The following CAPN3 variants were observed in gnomAD, a reference collection of about 807,000 sequenced individuals.
CAPN3 encodes calpain-3.
A neutral mutation model predicts 114.0 loss-of-function variants in CAPN3; 88 were observed. That is an observed-to-expected ratio of 0.77 (90% CI 0.65 to 0.92). CAPN3 has a LOEUF of 0.92. Ranked by LOEUF, CAPN3 falls within the 40% of genes least tolerant of loss-of-function variation. The pLI is 0.00. For missense variants in CAPN3, 1,028 were observed against 1,069.0 expected, an observed-to-expected ratio of 0.96 and a Z score of 0.53; for synonymous variants, 386 against 382.9, an observed-to-expected ratio of 1.01 and a Z score of -0.09.
intron 23 of CAPN3, 140 bp from the exon 24 acceptor site, chr15:42,411,607 C>T: frequency 1.3e-6 from 1 of 745,812 alleles, no homozygotes; most frequent in Admixed American, 1.9e-5. Context: ...AAACAGTAAG[C>T]CACTGCTTCT....
intron 12 of CAPN3, 74 bp downstream of exon 12, chr15:42,402,209 G>A (rs2053892950): frequency 3.7e-6 from 6 of 1,609,930 alleles, no homozygotes; most frequent in Admixed American, 1.7e-5. Context: ...GTGGCTCGTC[G>A]AGAAGCTTCC....
Position 42,391,613 on chromosome 15 carries a change from C to G in CAPN3, c.946-1026C>G, listed in dbSNP as rs28364436. ...CGGGAAGCTCCTTTTAAAGCTGTTACGTTAGTAGGCACATGGAAGCCATAG... is the reference window on the plus strand; with the variant it reads ...CGGGAAGCTCCTTTTAAAGCTGTTAGGTTAGTAGGCACATGGAAGCCATAG... On this transcript the variant is annotated intron_variant, in intron 6 of 23. Coordinates refer to ENST00000397163, the MANE Select transcript of CAPN3 (RefSeq NM_000070.3). Among the ~76,000 whole-genome samples the G allele has an allele frequency of 1.2e-4, 19 of 152,296 alleles. No homozygotes were observed. The East Asian group carries it at 3.5e-3, about 28-fold the overall frequency.
At chr15:42,411,096 C>A in intron 22 of CAPN3, 96 bp downstream of exon 22, 3 of 1,155,312 alleles carry the variant, frequency 2.6e-6, no homozygotes, top group Non-Finnish European at 3.9e-6. Context: ...TCCATCCAGG[C>A]TGAACAAGGG....
chr15:42,370,642 TAG>T (rs1595804166), intron 1 of CAPN3, among the ~76,000 whole-genome samples: 1 of 152,000 alleles, frequency 6.6e-6, no homozygotes, highest in East Asian at 1.9e-4. Context: ...ATAAAACAGC[TAG>T]AGTTAGAACC....
chr15:42,400,521 A>C (rs2053833264), intron 10 of CAPN3, among the ~76,000 whole-genome samples: 1 of 152,046 alleles, frequency 6.6e-6, no homozygotes, highest in African/African-American at 2.4e-5. Context: ...ACTTGAGCCC[A>C]GGAGTTCAAG....
In CAPN3 at chr15:42,389,097, G is replaced by A. The variant is rs1459288402; in HGVS notation, c.801+1G>A. On this transcript the variant is annotated splice_donor_variant, in intron 5 of 23. Transcript: ENST00000397163. LOFTEE classifies it high-confidence loss of function. The stretch of plus-strand genomic sequence containing the variant: ...CTCCCTCATGGGCTGCTCCATTGAT[G>A]TAAGTCTGGGGTGTGGGGCACAGGG... The A allele has an allele frequency of 5.0e-6, 8 of 1,613,990 alleles. No individual in the cohort carries two copies. In the East Asian group the frequency reaches 6.7e-5, roughly 13 times the overall value.
chr15:42,368,823 G>A (rs1031249828), intron 1 of CAPN3, among the ~76,000 whole-genome samples: 5 of 152,198 alleles, frequency 3.3e-5, no homozygotes, highest in Admixed American at 2.0e-4. Flanking sequence ...AGGCCAAGGC[G>A]GGTGGATCAC....
chr15:42,388,846 G>A (rs2053473954), intron 4 of CAPN3, 82 bp from the exon 5 acceptor site: 1 of 1,136,598 alleles, frequency 8.8e-7, no homozygotes, highest in Non-Finnish European at 1.3e-6. Context: ...CATCCAAGAG[G>A]TAAAGTTCTG....
intron 15 of CAPN3, among the ~76,000 whole-genome samples, 177 bp from the exon 16 acceptor site, chr15:42,408,034 C>T (rs757119880): frequency 6.6e-6 from 1 of 152,168 alleles, no homozygotes; most frequent in South Asian, 2.1e-4. Flanking sequence ...AGATAAAGAA[C>T]TGAAGTCACA....
intron 14 of CAPN3, chr15:42,404,443 C>T (rs1234815119): frequency 6.6e-6 from 3 of 456,470 alleles, no homozygotes; most frequent in Non-Finnish European, 1.3e-5. Context: ...CCCTGGTGTT[C>T]AAGAAAGGAA....
chr15:42,400,543 C>T (rs1456851373), intron 10 of CAPN3, among the ~76,000 whole-genome samples: 2 of 150,890 alleles, frequency 1.3e-5, no homozygotes, highest in Non-Finnish European at 3.0e-5. Flanking sequence ...CCAGCACAGG[C>T]AACATAGTGA....
At chr15:42,372,253 A>G (rs1169702179) in intron 1 of CAPN3, among the ~76,000 whole-genome samples, 3 of 152,094 alleles carry the variant, frequency 2.0e-5, no homozygotes, top group Non-Finnish European at 4.4e-5. Flanking sequence ...ATCACCTCCC[A>G]GGTTCAAGCA....
In CAPN3 at chr15:42,386,180, T is replaced by A; in HGVS notation, c.393T>A (p.Phe131Leu). The change falls in exon 3 of 24, where the codon TTT becomes TTA. Residue 131 changes from phenylalanine to leucine, a missense_variant. Physicochemically the swap from Phe to Leu is conservative, Grantham distance 22. Transcript: ENST00000397163. Reference sequence around the variant, plus strand: ...GTCTGCCTGCAGGGGACTGCTGGTTTCTCGCAGCCATTGCCTGCCTGACCC... The same window carrying A: ...GTCTGCCTGCAGGGGACTGCTGGTTACTCGCAGCCATTGCCTGCCTGACCC... ...ICQGELGDCW[F>L]LAAIACLTLN... 6.2e-7 allele frequency: 1 copy of A among 1,613,306 alleles called. No homozygotes were observed.
intron 1 of CAPN3, among the ~76,000 whole-genome samples, chr15:42,367,423 A>G (rs1566968416): frequency 6.6e-6 from 1 of 152,220 alleles, no homozygotes; most frequent in Non-Finnish European, 1.5e-5. Flanking sequence ...TCTGCTGAAG[A>G]GGAGCTGACA....
At chr15:42,404,786 C>T in intron 14 of CAPN3, 1 of 1,100,838 alleles carries the variant, frequency 9.1e-7, no homozygotes, top group Non-Finnish European at 1.1e-6. Context: ...GGTCATAATC[C>T]TGACCCTGAG....
intron 14 of CAPN3, 139 bp from the exon 15 acceptor site, chr15:42,405,787 T>C (rs1566982567): frequency 1.5e-6 from 1 of 678,486 alleles, no homozygotes; most frequent in Non-Finnish European, 2.7e-6. Context: ...CCTTTTTGGC[T>C]CCATGTGATT....
intron 1 of CAPN3, among the ~76,000 whole-genome samples, chr15:42,380,719 C>A (rs1164145834): frequency 5.1e-5 from 7 of 138,554 alleles, no homozygotes; most frequent in African/African-American, 1.4e-4. Context: ...TCTCTCCCCC[C>A]ACCTTCCCCA....
intron 1 of CAPN3, among the ~76,000 whole-genome samples, chr15:42,364,234 T>C (rs980352664): frequency 1.3e-5 from 2 of 152,180 alleles, no homozygotes; most frequent in Admixed American, 6.5e-5. Flanking sequence ...TAGGTAATCT[T>C]GGTCACATAC....
intron 8 of CAPN3, among the ~76,000 whole-genome samples, 196 bp from the exon 9 acceptor site, chr15:42,396,604 T>TAA (rs1365850381): frequency 6.6e-5 from 10 of 152,132 alleles, no homozygotes; most frequent in Non-Finnish European, 1.3e-4. Flanking sequence ...CCAGCCCATT[T>TAA]AAGGAGTTTA....
Sources: allele counts gnomAD v4.1 joint callset (sites outside exome capture counted in the v4.1 genomes callset), GRCh38; gene constraint gnomAD v4.1.1; transcripts MANE v1.5; gene names NCBI Gene and HGNC (gene_info 2026-07-23, HGNC 2026-07-21).